ZFYVE16: variants seen among roughly 807,000 people sequenced by gnomAD.
The protein encoded by ZFYVE16 is zinc finger FYVE domain-containing protein 16.
In ZFYVE16, 89 loss-of-function variants were observed where a neutral mutation model predicts 138.1. The ratio of observed to expected loss-of-function variants is 0.64; its 90% confidence interval spans 0.54 to 0.77. ZFYVE16 has a LOEUF of 0.77. ZFYVE16 is among the 30% of genes least tolerant of loss of function. The pLI, the probability that ZFYVE16 is intolerant of heterozygous loss-of-function variation, is 0.00. For missense variants in ZFYVE16, 1,793 were observed against 1,786.7 expected (o/e 1.00, Z -0.06); for synonymous variants, 596 against 618.3 (o/e 0.96, Z 0.53).
intron 7 of ZFYVE16, among the ~76,000 whole-genome samples, chr5:80,446,374 A>T (rs1561292957): frequency 6.6e-6 from 1 of 152,140 alleles, no homozygotes; most frequent in African/African-American, 2.4e-5. Flanking sequence ...TTATTAACTA[A>T]TTACAAAATA....
intron 15 of ZFYVE16, among the ~76,000 whole-genome samples, chr5:80,468,008 T>C (rs962214508): frequency 6.6e-6 from 1 of 152,132 alleles, no homozygotes; most frequent in Non-Finnish European, 1.5e-5. Context: ...GAAAACTTCA[T>C]GGTGGCATGC....
At chr5:80,447,940 G>T (rs1751562175) in intron 7 of ZFYVE16, 86 bp from the exon 8 acceptor site, 2 of 1,185,238 alleles carry the variant, frequency 1.7e-6, no homozygotes, top group Non-Finnish European at 2.3e-6. Flanking sequence ...TTATTAAAAA[G>T]ATATGTTTGG....
At chr5:80,426,288 ATATAT>A (rs754777578) in intron 1 of ZFYVE16, among the ~76,000 whole-genome samples, 58,143 of 140,374 alleles carry the variant, frequency 0.41, 14,609 homozygotes, top group East Asian at 0.7. Context: ...ATATATATAT[ATATAT>A]AATTAAATTT....
intron 14 of ZFYVE16, among the ~76,000 whole-genome samples, chr5:80,457,639 T>TAGGC (rs1752654906): frequency 6.6e-6 from 1 of 152,218 alleles, no homozygotes; most frequent in South Asian, 2.1e-4. Context: ...ATACTTAAAA[T>TAGGC]AGTCCAACAT....
chr5:80,451,964 A>C (rs1752029213), intron 11 of ZFYVE16: 1 of 394,536 alleles, frequency 2.5e-6, no homozygotes, highest in Admixed American at 4.3e-5. Context: ...AACAAAACAG[A>C]AAACTTTCAC....
At chr5:80,461,813 A>G (rs1266486982) in intron 15 of ZFYVE16, among the ~76,000 whole-genome samples, 2 of 152,146 alleles carry the variant, frequency 1.3e-5, no homozygotes, top group Non-Finnish European at 2.9e-5. Flanking sequence ...TCTACTAAAA[A>G]TACAAAAAGT....
intron 11 of ZFYVE16, chr5:80,452,476 G>A (rs1265024308): frequency 2.0e-5 from 3 of 148,402 alleles, no homozygotes; most frequent in Non-Finnish European, 3.0e-5. Context: ...AGATTTCAGA[G>A]CATTTTGGAT....
In ZFYVE16 at chr5:80,436,757, T is replaced by A. The variant is rs1749967746; in HGVS notation, c.72T>A (p.Asp24Glu). Residue 24 changes from aspartate (D) to glutamate (E), a missense_variant and splice_region_variant, in exon 4 of 19, where the codon GAT becomes GAA. Physicochemically the swap from Asp to Glu is conservative, Grantham distance 45. This residue lies in a region of ZFYVE16 where 1,295 missense variants were observed against 1,204.3 expected (regional missense o/e 1.08). Coordinates refer to ENST00000505560, the MANE Select transcript of ZFYVE16 (RefSeq NM_001284236.3). ...AATAACACTGTTTCTCTATTTCAGA[T>A]GAACAAGATTATCTCCAAGATGTAC... ...KLLDDFEQNP[D>E]EQDYLQDVQN... 1.2e-6 allele frequency: 2 copies of A among 1,601,638 alleles called. No individual in the cohort carries two copies. The highest frequency in any genetic ancestry group is 2.2e-5 in the East Asian group (1 of 44,688).
At chr5:80,435,592 A>G (rs1248358892) in intron 3 of ZFYVE16, among the ~76,000 whole-genome samples, 2 of 152,202 alleles carry the variant, frequency 1.3e-5, no homozygotes, top group Non-Finnish European at 2.9e-5. Flanking sequence ...TCTAAGAGAC[A>G]GGGTCTTGCT....
chr5:80,462,341 A>G (rs1414061060), intron 15 of ZFYVE16, among the ~76,000 whole-genome samples: 1 of 152,130 alleles, frequency 6.6e-6, no homozygotes, highest in East Asian at 1.9e-4. Flanking sequence ...AGGGGAAGCA[A>G]GGCACCTTCT....
chr5:80,413,105 C>A (rs920628099), intron 1 of ZFYVE16, among the ~76,000 whole-genome samples: 1 of 151,896 alleles, frequency 6.6e-6, no homozygotes, highest in African/African-American at 2.4e-5. Context: ...GAGCCCAGCA[C>A]GTGGAGGCTA....
rs1315363941 is a variant in ZFYVE16 at position 80,440,023 on chromosome 5, A to G, written c.2410A>G (p.Ile804Val). 1.2e-6 allele frequency: 2 copies of G among 1,607,692 alleles called. No homozygotes were observed. Among genetic ancestry groups the G allele is most frequent in the South Asian group, 1.1e-5 (1 of 90,022 alleles). Residue 804 changes from isoleucine to valine, a missense_variant, in exon 5 of 19, where the codon ATT becomes GTT. Physicochemically the swap from Ile to Val is conservative, Grantham distance 29 (BLOSUM62 3). Transcript: ENST00000505560. ...ARVCVVCYET[I>V]SKAQAFERMM... ...AGTATGTGTAGTCTGCTATGAAACT[A>G]TTAGTAAAGGTGAGTATTAACTTGA... is the stretch of plus-strand genomic sequence containing the variant.
chr5:80,413,471 C>CAAA (rs70988468), intron 1 of ZFYVE16, among the ~76,000 whole-genome samples: 1 of 124,506 alleles, frequency 8.0e-6, no homozygotes. Context: ...AACTTCATCT[C>CAAA]AAAAAAAAAA....
chr5:80,415,758 A>G (rs1354132579), intron 1 of ZFYVE16, among the ~76,000 whole-genome samples: 2 of 151,188 alleles, frequency 1.3e-5, no homozygotes, highest in Non-Finnish European at 3.0e-5. Flanking sequence ...ACCTCTGCCT[A>G]CCGGGTTCAA....
At chr5:80,456,190 C>T in intron 12 of ZFYVE16, 3 of 327,098 alleles carry the variant, frequency 9.2e-6, no homozygotes, top group South Asian at 4.6e-5. Context: ...TCTAAAGTTC[C>T]CTTCCACCTA....
At position 80,447,266 on chromosome 5, in the gene ZFYVE16, CAAAAAAAAAAAAAAA is replaced by C. The variant is rs56836828; in HGVS notation, c.2725-750_2725-736del. On this transcript the variant is annotated intron_variant, in intron 7 of 18. Coordinates refer to ENST00000505560, the MANE Select transcript of ZFYVE16 (RefSeq NM_001284236.3). The stretch of plus-strand genomic sequence containing the variant: ...TGGACAACAGGGTGAGACTCCATCT[CAAAAAAAAAAAAAAA>C]AAAAAAAAAGAGAGAAAAGATGAAT... Among the ~76,000 whole-genome samples the C allele has an allele frequency of 6.0e-3, 419 of 69,272 alleles. 3 individuals are homozygous for C. The highest frequency in any genetic ancestry group is 0.02 in the African/African-American group (403 of 20,372). The allele number at this position is 69,272 out of a possible 152,430, so 45.4% of individuals were successfully genotyped here.
rs1409811125 is a variant in ZFYVE16 at position 80,425,105 on chromosome 5, A to G, written c.-93-2387A>G. 3.9e-5 allele frequency among the ~76,000 whole-genome samples: 6 copies of G among 152,146 alleles called. No homozygotes were observed. In the East Asian group the frequency reaches 1.2e-3, roughly 29 times the overall value. ...GAGTTGGCTTTTTCATCAATTCTGG[A>G]AAAACTCCCAGCATTATCTTTTCAA... On this transcript the variant is annotated intron_variant, in intron 1 of 18. Transcript: ENST00000505560.
chr5:80,424,636 A>G (rs1027707471), intron 1 of ZFYVE16, among the ~76,000 whole-genome samples: 2 of 150,030 alleles, frequency 1.3e-5, no homozygotes, highest in Non-Finnish European at 3.0e-5. Flanking sequence ...TAATTTTTGT[A>G]CTTTTAGTAG....
At chr5:80,443,100 C>T in intron 5 of ZFYVE16, 23 bp from the exon 6 acceptor site, 2 of 1,500,502 alleles carry the variant, frequency 1.3e-6, no homozygotes, top group South Asian at 1.4e-5. Flanking sequence ...GAGATTTTAA[C>T]ACTATTGTTT....
Sources: gnomAD v4.1 joint callset for allele counts (sites outside exome capture counted in the v4.1 genomes callset) on GRCh38, gnomAD v4.1.1 for gene constraint, gnomAD v4.1.1 regional missense constraint, MANE v1.5 for transcripts, NCBI Gene and HGNC (gene_info 2026-07-23, HGNC 2026-07-21) for gene names.